SPATA13: variants seen among roughly 807,000 people sequenced by gnomAD.
The protein encoded by SPATA13 is spermatogenesis associated 13.
Under a neutral mutation model 104.0 loss-of-function variants are expected in SPATA13, and 50 were observed. The ratio of observed to expected loss-of-function variants is 0.48; its 90% CI spans 0.38 to 0.61. SPATA13 has a LOEUF of 0.61. Among genes scored for constraint, SPATA13 ranks in the 20% least tolerant of loss-of-function variants. The pLI, the probability that SPATA13 is intolerant of heterozygous loss-of-function variation, is 0.00. For synonymous variants in SPATA13, 606 were observed against 667.5 expected (o/e 0.91, Z 1.42); for missense variants, 1,524 against 1,690.6 (o/e 0.90, Z 1.73).
At chr13:24,167,180 AG>A (rs1882772273) in intron 1 of SPATA13, among the ~76,000 whole-genome samples, 1 of 152,018 alleles carries the variant, frequency 6.6e-6, no homozygotes, top group Admixed American at 6.6e-5. Flanking sequence ...AAAATGCCAG[AG>A]TGTCCTGGCC....
intron 3 of SPATA13, among the ~76,000 whole-genome samples, chr13:24,018,344 T>G (rs181285056): frequency 2.8e-3 from 420 of 152,330 alleles, no homozygotes; most frequent in Non-Finnish European, 3.5e-3. Flanking sequence ...AAAGATCGTT[T>G]TTTCCATCTT....
chr13:24,047,107 G>C (rs550260522), intron 3 of SPATA13, among the ~76,000 whole-genome samples: 138 of 152,292 alleles, frequency 9.1e-4, no homozygotes, highest in African/African-American at 3.2e-3. Context: ...GGTGCACTGA[G>C]TCCACCTCAA....
At chr13:24,196,816 G>A (rs911312457) in intron 1 of SPATA13, among the ~76,000 whole-genome samples, 3 of 151,952 alleles carry the variant, frequency 2.0e-5, no homozygotes, top group African/African-American at 7.3e-5. Flanking sequence ...CTTTCCTGAA[G>A]AAAATGGCCA....
chr13:24,037,720 TA>T (rs1193146126), intron 3 of SPATA13, among the ~76,000 whole-genome samples: 6 of 151,856 alleles, frequency 4.0e-5, no homozygotes, highest in Admixed American at 6.6e-5. Context: ...CTAACACTTT[TA>T]AAGTTTGTTT....
intron 4 of SPATA13, among the ~76,000 whole-genome samples, chr13:24,280,807 C>T (rs1875446727): frequency 6.6e-6 from 1 of 152,074 alleles, no homozygotes; most frequent in Non-Finnish European, 1.5e-5. Context: ...TCAAGACATC[C>T]CCCAACCCAC....
chr13:24,289,889 G>A (rs1460504161), intron 8 of SPATA13, among the ~76,000 whole-genome samples: 2 of 152,176 alleles, frequency 1.3e-5, no homozygotes, highest in Admixed American at 1.3e-4. Context: ...TCACTTCCTG[G>A]GTGCTGGGCT....
intron 2 of SPATA13, among the ~76,000 whole-genome samples, chr13:24,009,331 A>G (rs899268234): frequency 3.3e-5 from 5 of 152,226 alleles, no homozygotes; most frequent in Non-Finnish European, 1.5e-5. Flanking sequence ...GGTTACTGTC[A>G]ATGAAAAGAA....
chr13:24,226,355 A>G (rs1871941458), intron 2 of SPATA13, among the ~76,000 whole-genome samples: 2 of 152,212 alleles, frequency 1.3e-5, no homozygotes, highest in South Asian at 4.1e-4. Flanking sequence ...GCAGTTTGGT[A>G]CCTGTCGGCC....
At chr13:24,069,439 A>C (rs1172697825) in intron 3 of SPATA13, among the ~76,000 whole-genome samples, 1 of 152,172 alleles carries the variant, frequency 6.6e-6, no homozygotes, top group Non-Finnish European at 1.5e-5. Context: ...TTTGGTATGT[A>C]AAAATGCTAG....
upstream of SPATA13, chr13:24,160,599 T>G (rs1252786686): frequency 4.5e-6 from 2 of 440,830 alleles, no homozygotes; most frequent in South Asian, 1.0e-4. Flanking sequence ...TGTGGGGGCG[T>G]GGCCGAGGGT....
chr13:23,987,481 A>G (rs2137654197), intron 2 of SPATA13, among the ~76,000 whole-genome samples: 1 of 152,348 alleles, frequency 6.6e-6, no homozygotes, highest in Non-Finnish European at 1.5e-5. Context: ...GGAATCTGCC[A>G]AAATTATTTT....
Position 24,251,855 on chromosome 13 carries a change from A to C in SPATA13, c.2157A>C (p.Ala719=). Residue 719 remains alanine, a synonymous_variant, in exon 4 of 13, where the codon GCA becomes GCC. Transcript: ENST00000382108. ...TGGGACGCCGGCGGCAGATGAGAGC[A>C]TCCAACGGTGAGTCTCAGAGTCCCT... ...DRVGRRRQMR[A]SNVSSDGGTE... 6.2e-7 allele frequency: 1 copy of C among 1,613,590 alleles called. No homozygotes were observed. Among genetic ancestry groups the C allele is most frequent in the South Asian group, 1.1e-5 (1 of 91,050 alleles).
chr13:24,292,911 G>A (rs558533764), intron 9 of SPATA13, among the ~76,000 whole-genome samples: 2 of 137,810 alleles, frequency 1.5e-5, no homozygotes, highest in East Asian at 2.3e-4. Context: ...CACGAAAATC[G>A]CTTGAACCCA....
At chr13:24,043,267 A>G (rs564436033) in intron 3 of SPATA13, among the ~76,000 whole-genome samples, 1 of 152,352 alleles carries the variant, frequency 6.6e-6, no homozygotes, top group East Asian at 1.9e-4. Context: ...TGCGTGGCCA[A>G]GAGTAGTGGG....
chr13:24,093,103 AC>A (rs1369205800), intron 3 of SPATA13, among the ~76,000 whole-genome samples: 2 of 152,210 alleles, frequency 1.3e-5, no homozygotes, highest in Admixed American at 6.5e-5. Context: ...AAGCCAATAA[AC>A]AATCCATCCA....
intron 2 of SPATA13, among the ~76,000 whole-genome samples, chr13:24,231,543 T>A (rs1872274338): frequency 6.6e-6 from 1 of 152,220 alleles, no homozygotes; most frequent in South Asian, 2.1e-4. Flanking sequence ...TTTGCTATTA[T>A]GAGTAATGCT....
chr13:24,006,818 G>A (rs1358844862), intron 2 of SPATA13, among the ~76,000 whole-genome samples: 4 of 152,206 alleles, frequency 2.6e-5, no homozygotes, highest in Non-Finnish European at 5.9e-5. Context: ...TGCTGTTCTG[G>A]GATTTTACTC....
intron 2 of SPATA13, among the ~76,000 whole-genome samples, chr13:23,990,849 G>A (rs1374762066): frequency 1.3e-5 from 2 of 152,208 alleles, no homozygotes; most frequent in Non-Finnish European, 2.9e-5. Flanking sequence ...GAAATGGGAT[G>A]TGACTGGGTG....
Position 24,126,798 on chromosome 13 carries a change from C to A in SPATA13, c.-111-96021C>A, listed in dbSNP as rs1262828775. Among the ~76,000 whole-genome samples the A allele has an allele frequency of 3.9e-5, 6 of 152,282 alleles. No individual in the cohort carries two copies. The East Asian group carries it at 1.2e-3, about 30-fold the overall frequency. On this transcript the variant is annotated intron_variant, in intron 3 of 14. Coordinates refer to the SPATA13 transcript ENST00000424834. ...TCTCAAACTCCTGGGCTCAAGAGAT[C>A]CACCTGCCTTGGCCTGTCAGCTTGG...
Sources: gnomAD v4.1 joint callset for allele counts (sites outside exome capture counted in the v4.1 genomes callset) on GRCh38, gnomAD v4.1.1 for gene constraint, MANE v1.5 for transcripts, NCBI Gene and HGNC (gene_info 2026-07-23, HGNC 2026-07-21) for gene names.